Variants in RNF10 observed in about 807,000 individuals in gnomAD.
The protein encoded by RNF10 is E3 ubiquitin-protein ligase RNF10.
RNF10 carries 38 observed loss-of-function variants against 91.4 expected under a neutral mutation model. The ratio of observed to expected loss-of-function variants is 0.42; its 90% confidence interval spans 0.32 to 0.54. RNF10 has a LOEUF of 0.54. RNF10 is among the 20% of genes least tolerant of loss of function. RNF10 has a pLI of 0.16. For missense variants in RNF10, 945 were observed against 1,012.0 expected (o/e 0.93, Z 0.90); for synonymous variants, 364 against 366.3 (o/e 0.99, Z 0.07).
At chr12:120,536,812 CT>C (rs1213612841) in intron 1 of RNF10, among the ~76,000 whole-genome samples, 6 of 152,320 alleles carry the variant, frequency 3.9e-5, no homozygotes, top group African/African-American at 1.4e-4. Flanking sequence ...TGGGGCTCCT[CT>C]TTAAGCCACT....
chr12:120,558,818 G>A (rs992238950), intron 6 of RNF10, among the ~76,000 whole-genome samples: 5 of 151,300 alleles, frequency 3.3e-5, no homozygotes, highest in East Asian at 3.9e-4. Flanking sequence ...TGATCTGCCC[G>A]CCTTACCTCC....
At chr12:120,568,003 A>G (rs1002289621) in intron 13 of RNF10, among the ~76,000 whole-genome samples, 1 of 152,122 alleles carries the variant, frequency 6.6e-6, no homozygotes, top group African/African-American at 2.4e-5. Context: ...CACACCTGTA[A>G]TCTCAGCACT....
chr12:120,543,215 A>G (rs546567378), intron 1 of RNF10, among the ~76,000 whole-genome samples: 1 of 152,344 alleles, frequency 6.6e-6, no homozygotes, highest in Non-Finnish European at 1.5e-5. Context: ...TTACTCAGAT[A>G]ATATTACAGG....
At chr12:120,558,340 G>A (rs1433152862) in intron 6 of RNF10, among the ~76,000 whole-genome samples, 1 of 151,894 alleles carries the variant, frequency 6.6e-6, no homozygotes, top group Non-Finnish European at 1.5e-5. Context: ...GCATCTGTCT[G>A]AAGGATTGTG....
At chr12:120,537,602 C>T (rs544480715) in intron 1 of RNF10, among the ~76,000 whole-genome samples, 7 of 151,900 alleles carry the variant, frequency 4.6e-5, no homozygotes, top group South Asian at 2.1e-4. Context: ...CACTCCAGCC[C>T]GTCTAAAAAA....
In RNF10 at chr12:120,536,566, C is replaced by T. The variant is rs189154321; in HGVS notation, c.157+1598C>T. On this transcript the variant is annotated intron_variant, in intron 1 of 16. Coordinates refer to ENST00000325954, the MANE Select transcript of RNF10 (RefSeq NM_014868.5). Reference sequence around the variant, plus strand: ...GTGTGAGACCATTGGAGTATGGGTTCTCGGGCCGTGTCAGGAAATGGCATG... The same window carrying T: ...GTGTGAGACCATTGGAGTATGGGTTTTCGGGCCGTGTCAGGAAATGGCATG... Among the ~76,000 whole-genome samples the T allele has an allele frequency of 2.0e-5, 3 of 152,224 alleles. No homozygotes were observed. The East Asian group carries it at 5.8e-4, about 29-fold the overall frequency.
In RNF10 at chr12:120,565,520, CAG is replaced by C; in HGVS notation, c.1877_1878del (p.Gln626ArgfsTer27). ...GATTGAGATAGAGGAGAACAAGAAA[CAG>C]GGCAAGTGTAAGTTCAGGAACTTTC... is the stretch of plus-strand genomic sequence containing the variant. ...RRIEIEENKK[Q>X]GKYPEVHIPL... On this transcript the variant is annotated frameshift_variant, in exon 12 of 17. Transcript: ENST00000325954. LOFTEE classifies it high-confidence loss of function. 1.2e-6 allele frequency: 2 copies of C among 1,613,836 alleles called. No individual in the cohort carries two copies. Among genetic ancestry groups the C allele is most frequent in the Non-Finnish European group, 1.7e-6 (2 of 1,179,918 alleles).
chr12:120,535,791 A>G (rs1159370411), intron 1 of RNF10, among the ~76,000 whole-genome samples: 50 of 152,112 alleles, frequency 3.3e-4, no homozygotes, highest in Non-Finnish European at 7.3e-5. Flanking sequence ...GCTACCTTTA[A>G]TTGAGGGCTT....
At position 120,576,755 on chromosome 12, in the gene RNF10, G is replaced by A; in HGVS notation, c.*89G>A. The A allele has an allele frequency of 1.3e-6, 2 of 1,561,334 alleles. No homozygotes were observed. The highest frequency in any genetic ancestry group is 1.7e-6 in the Non-Finnish European group (2 of 1,153,750). On this transcript the variant is annotated 3_prime_UTR_variant, in exon 17 of 17. Coordinates refer to ENST00000325954, the MANE Select transcript of RNF10 (RefSeq NM_014868.5). ...TTTGTTTGGCTGCTGTAATTTTTAA[G>A]TATTTGAGTTTGAACAGATTAGCTC... is the stretch of plus-strand genomic sequence containing the variant.
intron 13 of RNF10, 109 bp downstream of exon 13, chr12:120,567,089 C>A: frequency 9.7e-7 from 1 of 1,030,114 alleles, no homozygotes; most frequent in Non-Finnish European, 1.4e-6. Flanking sequence ...ACTTCAGGGG[C>A]ATAACCTTAC....
intron 16 of RNF10, 129 bp from the exon 17 acceptor site, chr12:120,576,461 G>C: frequency 7.3e-7 from 1 of 1,370,016 alleles, no homozygotes; most frequent in Non-Finnish European, 9.7e-7. Flanking sequence ...GACTGGTATT[G>C]GCATCTAGGC....
At chr12:120,561,502 C>T (rs139403078) in intron 7 of RNF10, among the ~76,000 whole-genome samples, 8 of 152,192 alleles carry the variant, frequency 5.3e-5, no homozygotes, top group Admixed American at 5.2e-4. Context: ...GATGGCTGCT[C>T]ATCCCCAGAC....
chr12:120,572,091 C>CCT (rs1876720414), intron 14 of RNF10, among the ~76,000 whole-genome samples: 1 of 148,018 alleles, frequency 6.8e-6, no homozygotes, highest in Admixed American at 6.9e-5. Flanking sequence ...TTCTCCAAGA[C>CCT]GGAGTCTCCC....
At chr12:120,556,064 C>G (rs1321117779) in intron 4 of RNF10, among the ~76,000 whole-genome samples, 1 of 151,912 alleles carries the variant, frequency 6.6e-6, no homozygotes, top group Admixed American at 6.6e-5. Context: ...GTTGGGATTA[C>G]AGGCGTGAGC....
At chr12:120,557,099 A>AAG (rs1457851584) in intron 4 of RNF10, among the ~76,000 whole-genome samples, 183 bp from the exon 5 acceptor site, 1 of 151,096 alleles carries the variant, frequency 6.6e-6, no homozygotes, top group East Asian at 1.9e-4. Context: ...AAAAAAAAAA[A>AAG]AAGAAAAAAA....
At position 120,552,686 on chromosome 12, in the gene RNF10, T is replaced by G. The variant is rs747701120; in HGVS notation, c.542T>G (p.Phe181Cys). 6.2e-7 allele frequency: 1 copy of G among 1,613,874 alleles called. No homozygotes were observed. Among genetic ancestry groups the G allele is most frequent in the African/African-American group, 1.3e-5 (1 of 75,014 alleles). Residue 181 changes from phenylalanine (F) to cysteine (C), a missense_variant, in exon 3 of 17, where the codon TTT becomes TGT. By Grantham distance (205) the Phe-to-Cys change is radical (BLOSUM62 -2). Coordinates refer to ENST00000325954, the MANE Select transcript of RNF10 (RefSeq NM_014868.5). ...CATAAGCCTTTTAACAAGGAACTCT[T>G]TTTACAGGCCAAGTGAGTATTGCTA... ...WGHKPFNKEL[F>C]LQANCQFVVS...
Position 120,576,964 on chromosome 12 carries a change from C to T in RNF10, c.*298C>T. ...CATGTGTAATTAATTTTTCTCAACC[C>T]AAAGTAAGATTGAGTCCCCTTTGAG... is the stretch of plus-strand genomic sequence containing the variant. On this transcript the variant is annotated 3_prime_UTR_variant, in exon 17 of 17. Transcript: ENST00000325954. 1 of 371,560 alleles carries T rather than the reference C, an allele frequency of 2.7e-6. No individual in the cohort carries two copies. The highest frequency in any genetic ancestry group is 7.1e-5 in the East Asian group (1 of 14,108). The allele number at this position is 371,560 out of a possible 1,614,324, so 23.0% of individuals were successfully genotyped here.
chr12:120,560,621 C>G, intron 6 of RNF10, 105 bp from the exon 7 acceptor site: 2 of 1,065,522 alleles, frequency 1.9e-6, no homozygotes, highest in Non-Finnish European at 2.7e-6. Flanking sequence ...CTAAATTACC[C>G]CATTTTCACC....
At chr12:120,540,274 C>A (rs1871361550) in intron 1 of RNF10, among the ~76,000 whole-genome samples, 1 of 151,972 alleles carries the variant, frequency 6.6e-6, no homozygotes, top group African/African-American at 2.4e-5. Context: ...TTTTCTGATT[C>A]TTTAAGCCTA....
Sources: allele counts gnomAD v4.1 joint callset (sites outside exome capture counted in the v4.1 genomes callset), GRCh38; gene constraint gnomAD v4.1.1; transcripts MANE v1.5; gene names NCBI Gene and HGNC (gene_info 2026-07-23, HGNC 2026-07-21).